Variants in LRRC8B observed in about 807,000 individuals in gnomAD.
The protein encoded by LRRC8B is volume-regulated anion channel subunit LRRC8B.
Under a neutral mutation model 58.8 loss-of-function variants are expected in LRRC8B, and 23 were observed. The ratio of observed to expected loss-of-function variants is 0.39; its 90% CI spans 0.28 to 0.55. LRRC8B has a LOEUF of 0.55. Among genes scored for constraint, LRRC8B ranks in the 20% least tolerant of loss-of-function variants. The pLI is 0.62. For missense variants in LRRC8B, 694 were observed against 936.0 expected (o/e 0.74, Z 3.37); for synonymous variants, 359 against 374.1 (o/e 0.96, Z 0.47).
At chr1:89,525,272 TG>T (rs1649583536) in intron 1 of LRRC8B, among the ~76,000 whole-genome samples, 1 of 152,180 alleles carries the variant, frequency 6.6e-6, no homozygotes, top group African/African-American at 2.4e-5. Flanking sequence ...TCCTGTGTGC[TG>T]GGGTCATTTG....
At chr1:89,553,737 T>C (rs1394494637) in intron 1 of LRRC8B, among the ~76,000 whole-genome samples, 2 of 152,188 alleles carry the variant, frequency 1.3e-5, no homozygotes, top group African/African-American at 4.8e-5. Context: ...GCGTAACTAT[T>C]TTTCTACTCA....
intron 3 of LRRC8B, among the ~76,000 whole-genome samples, chr1:89,576,753 G>A (rs1207948169): frequency 1.3e-5 from 2 of 152,126 alleles, no homozygotes; most frequent in African/African-American, 2.4e-5. Context: ...ACTGAGTTTG[G>A]GAAGCATGTT....
chr1:89,580,205 G>A (rs531120203), intron 4 of LRRC8B, among the ~76,000 whole-genome samples: 3 of 152,096 alleles, frequency 2.0e-5, no homozygotes, highest in Non-Finnish European at 4.4e-5. Context: ...GAATATCATC[G>A]ATTGCCCGTG....
chr1:89,569,054 T>C (rs1196052652), intron 3 of LRRC8B, among the ~76,000 whole-genome samples: 1 of 152,190 alleles, frequency 6.6e-6, no homozygotes, highest in Non-Finnish European at 1.5e-5. Flanking sequence ...TGCTTTTAGC[T>C]TTGACACAAT....
At chr1:89,570,668 G>A (rs912438179) in intron 3 of LRRC8B, among the ~76,000 whole-genome samples, 1 of 152,104 alleles carries the variant, frequency 6.6e-6, no homozygotes, top group African/African-American at 2.4e-5. Flanking sequence ...TAGGTTGTCT[G>A]TTTACTCTGT....
chr1:89,587,768 T>C (rs1379024951), intron 5 of LRRC8B: 1 of 152,180 alleles, frequency 6.6e-6, no homozygotes, highest in African/African-American at 2.4e-5. Flanking sequence ...AGGTATCTCA[T>C]ATTACCACTG....
chr1:89,552,308 C>T (rs534925297), intron 1 of LRRC8B, among the ~76,000 whole-genome samples: 5 of 152,278 alleles, frequency 3.3e-5, no homozygotes, highest in South Asian at 4.1e-4. Context: ...CTTCTAGCCC[C>T]TTCTCCCACA....
chr1:89,537,262 G>A (rs966723584), intron 1 of LRRC8B, among the ~76,000 whole-genome samples: 14 of 152,094 alleles, frequency 9.2e-5, no homozygotes, highest in African/African-American at 1.9e-4. Flanking sequence ...AGACCCTGTC[G>A]CTTAAGAACA....
In LRRC8B at chr1:89,564,317, A is replaced by G. The variant is rs533819793; in HGVS notation, c.-240-3930A>G. On this transcript the variant is annotated intron_variant, in intron 1 of 5. Transcript: ENST00000330947. ...CTGAGCAATGAGCTAGGAAAACAAAATAGATCTCATTTTTAAATTGTCTCT... is the reference window on the plus strand; with the variant it reads ...CTGAGCAATGAGCTAGGAAAACAAAGTAGATCTCATTTTTAAATTGTCTCT... 1.4e-4 allele frequency among the ~76,000 whole-genome samples: 21 copies of G among 152,316 alleles called. No homozygotes were observed. The East Asian group carries it at 3.9e-3, about 28-fold the overall frequency.
chr1:89,547,727 C>T (rs890793937), intron 1 of LRRC8B, among the ~76,000 whole-genome samples: 3 of 151,842 alleles, frequency 2.0e-5, no homozygotes, highest in Non-Finnish European at 2.9e-5. Context: ...CCACCATGTG[C>T]AGTTTATCAT....
chr1:89,542,136 C>A (rs12755723), intron 1 of LRRC8B, among the ~76,000 whole-genome samples: 26,491 of 152,088 alleles, frequency 0.17, 2,920 homozygotes, highest in Admixed American at 0.29. Flanking sequence ...TGGCCTTGAA[C>A]ATGTCTTGCT....
chr1:89,585,076 A>T (rs1324055176), intron 5 of LRRC8B, among the ~76,000 whole-genome samples: 1 of 152,274 alleles, frequency 6.6e-6, no homozygotes, highest in East Asian at 1.9e-4. Flanking sequence ...CATAAACATC[A>T]CAAAGTATTT....
chr1:89,536,872 A>G (rs1241501762), intron 1 of LRRC8B, among the ~76,000 whole-genome samples: 1 of 152,134 alleles, frequency 6.6e-6, no homozygotes, highest in Non-Finnish European at 1.5e-5. Context: ...GGTACTTTTA[A>G]TTTTTAACTT....
chr1:89,589,558 C>CT (rs35027182), intron 5 of LRRC8B, among the ~76,000 whole-genome samples: 29,796 of 144,818 alleles, frequency 0.21, 3,480 homozygotes, highest in Admixed American at 0.31. Flanking sequence ...CACATTTGTG[C>CT]TTTTTTTTTT....
intron 1 of LRRC8B, among the ~76,000 whole-genome samples, chr1:89,549,628 A>G (rs568191645): frequency 2.0e-5 from 3 of 152,142 alleles, no homozygotes; most frequent in Non-Finnish European, 4.4e-5. Flanking sequence ...TTTTGTAGTT[A>G]TGTGGATGCG....
chr1:89,526,421 G>C (rs548219462), intron 1 of LRRC8B, among the ~76,000 whole-genome samples: 3 of 152,118 alleles, frequency 2.0e-5, no homozygotes, highest in African/African-American at 7.2e-5. Context: ...CACCATGTTG[G>C]CCAGGCTGGT....
In LRRC8B at chr1:89,597,334, G is replaced by A. The variant is rs1655345663; in HGVS notation, c.*4291G>A. On this transcript the variant is annotated 3_prime_UTR_variant, in exon 6 of 6. Coordinates refer to ENST00000330947, the MANE Select transcript of LRRC8B (RefSeq NM_001369817.2). ...GAGTTTAATTTCATATTTAACTTTT[G>A]CATTTAACTTGTATAATACACTACT... is the stretch of plus-strand genomic sequence containing the variant. 1 of 152,130 alleles carries A rather than the reference G, an allele frequency of 6.6e-6. No homozygotes were observed. The highest frequency in any genetic ancestry group is 6.5e-5 in the Admixed American group (1 of 15,280). 9.4% of individuals were successfully genotyped at this position (152,130 alleles called of 1,614,324 possible). A position where few individuals can be genotyped will look rare whatever the true frequency, so the allele number is the denominator to read the frequency against.
In LRRC8B at chr1:89,582,883, A is replaced by G. The variant is rs368495143; in HGVS notation, c.233A>G (p.Asn78Ser). The G allele has an allele frequency of 3.7e-6, 6 of 1,614,090 alleles. No individual in the cohort carries two copies. Among genetic ancestry groups the G allele is most frequent in the Non-Finnish European group, 4.2e-6 (5 of 1,180,048 alleles). The change falls in exon 5 of 6, where the codon AAC (asparagine) becomes AGC (serine). Residue 78 changes from asparagine (N) to serine (S), a missense_variant. By Grantham distance (46) the Asn-to-Ser change is conservative. Transcript: ENST00000330947. Reference protein sequence around the residue: ...VPWDILKASMNTSSNPGTPLP... With the variant: ...VPWDILKASMSTSSNPGTPLP... ...TGGGACATCCTGAAAGCCAGCATGA[A>G]CACATCCTCTAATCCTGGGACACCG...
intron 1 of LRRC8B, among the ~76,000 whole-genome samples, chr1:89,545,405 G>A (rs569810712): frequency 6.6e-6 from 1 of 152,294 alleles, no homozygotes; most frequent in African/African-American, 2.4e-5. Flanking sequence ...CCTCAGAGAA[G>A]TTACACAATA....
Sources: gnomAD v4.1 joint callset for allele counts (sites outside exome capture counted in the v4.1 genomes callset) on GRCh38, gnomAD v4.1.1 for gene constraint, MANE v1.5 for transcripts, NCBI Gene and HGNC (gene_info 2026-07-23, HGNC 2026-07-21) for gene names.